Variants in PRKN observed in about 807,000 individuals in gnomAD.
PRKN encodes the protein parkin RBR E3 ubiquitin protein ligase, also known as E3 ubiquitin-protein ligase parkin.
In PRKN, 56 loss-of-function variants were observed where a neutral mutation model predicts 59.5. The ratio of observed to expected loss-of-function variants is 0.94; its 90% confidence interval spans 0.76 to 1.18. PRKN has a LOEUF of 1.18. PRKN is among the 50% of genes most tolerant of loss of function. The pLI is 0.00. For synonymous variants in PRKN, 250 were observed against 222.1 expected, an observed-to-expected ratio of 1.13 and a Z score of -1.12; for missense variants, 657 against 596.4, an observed-to-expected ratio of 1.10 and a Z score of -1.06.
chr6:162,636,025 A>C lies in PRKN; in HGVS notation c.7+91637T>G, dbSNP rs150899621. 6.7e-3 allele frequency among the ~76,000 whole-genome samples: 1,019 copies of C among 152,310 alleles called. 40 individuals are homozygous for C. Among genetic ancestry groups the C allele is most frequent in the Admixed American group, 0.061 (928 of 15,300 alleles). ...ATCCTTGGGTTAAGGAATTCTGTAA[A>C]AATTAAAATGGTTCTGTTCTCCTGA... On this transcript the variant is annotated intron_variant, in intron 1 of 11. Coordinates refer to ENST00000366898, the MANE Select transcript of PRKN (RefSeq NM_004562.3).
At chr6:162,623,131 T>C (rs1467665500) in intron 1 of PRKN, among the ~76,000 whole-genome samples, 5 of 152,260 alleles carry the variant, frequency 3.3e-5, no homozygotes, top group Non-Finnish European at 5.9e-5. Context: ...TTTTTTTGGA[T>C]CTTGTTCGTT....
chr6:161,724,997 G>A (rs1787380864), intron 7 of PRKN, among the ~76,000 whole-genome samples: 1 of 152,170 alleles, frequency 6.6e-6, no homozygotes, highest in East Asian at 1.9e-4. Flanking sequence ...TCGCCCCACT[G>A]TCTTGCTCTT....
rs1783959449 is a variant in PRKN at position 162,039,069 on chromosome 6, T to C, written c.618+15022A>G. 4.0e-5 allele frequency among the ~76,000 whole-genome samples: 6 copies of C among 151,230 alleles called. No homozygotes were observed. In the South Asian group the frequency reaches 1.2e-3, roughly 31 times the overall value. On this transcript the variant is annotated intron_variant, in intron 5 of 11. Coordinates refer to ENST00000366898, the MANE Select transcript of PRKN (RefSeq NM_004562.3). The stretch of plus-strand genomic sequence containing the variant: ...GACTCTGGAGGCTGAGGCAGGAGAA[T>C]GGCGTGAACCCAGGAGGCGCAGCTT...
chr6:161,546,976 C>A lies in PRKN; in HGVS notation c.1083+1878G>T, dbSNP rs976971086. Among the ~76,000 whole-genome samples the A allele has an allele frequency of 6.6e-6, 1 of 152,076 alleles. No individual in the cohort carries two copies. Among genetic ancestry groups the A allele is most frequent in the Non-Finnish European group, 1.5e-5 (1 of 68,024 alleles). ...TACCTTGGAAGTAGATCTTCCAGCC[C>A]CAGTTAAGCCTCCAGATAACTGTGA... On this transcript the variant is annotated intron_variant, in intron 9 of 11. Coordinates refer to ENST00000366898, the MANE Select transcript of PRKN (RefSeq NM_004562.3). The surrounding 1 kb of genome is among the most constrained non-coding windows in gnomAD (Gnocchi z 4.4).
chr6:162,538,722 G>C (rs2128199106), intron 1 of PRKN, among the ~76,000 whole-genome samples: 1 of 152,298 alleles, frequency 6.6e-6, no homozygotes. Context: ...CTCTTGTAAA[G>C]AGGTGAGAAA....
intron 7 of PRKN, among the ~76,000 whole-genome samples, chr6:161,585,491 G>C (rs1233374844): frequency 2.6e-5 from 4 of 152,270 alleles, no homozygotes; most frequent in East Asian, 3.9e-4. Context: ...TAAAACCCAA[G>C]ACTATTCTAA....
chr6:162,353,259 G>C (rs1246951644), intron 2 of PRKN, among the ~76,000 whole-genome samples: 1 of 151,972 alleles, frequency 6.6e-6, no homozygotes, highest in African/African-American at 2.4e-5. Context: ...AAGCTACCTA[G>C]GGTAAGAGTG....
At chr6:161,827,578 C>T (rs1201012155) in intron 6 of PRKN, among the ~76,000 whole-genome samples, 2 of 141,298 alleles carry the variant, frequency 1.4e-5, no homozygotes, top group Non-Finnish European at 3.0e-5. Flanking sequence ...GGCGTGATCT[C>T]GGCTCCCTGA....
chr6:161,531,207 C>T (rs577653178), intron 9 of PRKN, among the ~76,000 whole-genome samples: 103 of 151,838 alleles, frequency 6.8e-4, no homozygotes, highest in Non-Finnish European at 1.2e-3. Context: ...TGGTGAAACC[C>T]CGTCTCTACT....
chr6:162,327,343 TTTTA>T (rs1199043594), intron 2 of PRKN, among the ~76,000 whole-genome samples: 1 of 152,218 alleles, frequency 6.6e-6, no homozygotes, highest in Non-Finnish European at 1.5e-5. Flanking sequence ...TTTTGTTGTG[TTTTA>T]TTTTTTATTT....
rs544829058 is a variant in PRKN, at chr6:161,794,161, G to T, written c.735-8253C>A. Among the ~76,000 whole-genome samples the T allele has an allele frequency of 1.8e-3, 273 of 152,216 alleles. 2 individuals are homozygous for T. The highest frequency in any genetic ancestry group is 6.4e-3 in the African/African-American group (266 of 41,524). ...CAAATTAATTATGTTCCCATTGATAGGTTAACTCATTTTATTTACTGTCAT... is the reference window on the plus strand; with the variant it reads ...CAAATTAATTATGTTCCCATTGATATGTTAACTCATTTTATTTACTGTCAT... On this transcript the variant is annotated intron_variant, in intron 6 of 11. Coordinates refer to ENST00000366898, the MANE Select transcript of PRKN (RefSeq NM_004562.3).
intron 5 of PRKN, among the ~76,000 whole-genome samples, chr6:162,016,722 G>C (rs561961754): frequency 6.6e-6 from 1 of 152,040 alleles, no homozygotes; most frequent in Non-Finnish European, 1.5e-5. Flanking sequence ...GGTTGTCTTC[G>C]GTCTCAAGCC....
intron 5 of PRKN, among the ~76,000 whole-genome samples, chr6:162,041,765 G>A (rs1017373312): frequency 6.6e-6 from 1 of 152,130 alleles, no homozygotes; most frequent in African/African-American, 2.4e-5. Context: ...ATGGATTATA[G>A]CCCCTAAATT....
At chr6:161,636,908 G>A (rs1783544421) in intron 7 of PRKN, among the ~76,000 whole-genome samples, 1 of 152,116 alleles carries the variant, frequency 6.6e-6, no homozygotes, top group South Asian at 2.1e-4. Context: ...AGAACTGCCT[G>A]AGCGCTCAGG....
intron 2 of PRKN, among the ~76,000 whole-genome samples, chr6:162,299,718 T>C (rs1781856498): frequency 6.6e-6 from 1 of 152,002 alleles, no homozygotes; most frequent in African/African-American, 2.4e-5. Flanking sequence ...GGTCTGTGTT[T>C]TCATGGCCAT....
At chr6:162,344,996 T>C (rs1784337692) in intron 2 of PRKN, among the ~76,000 whole-genome samples, 1 of 152,152 alleles carries the variant, frequency 6.6e-6, no homozygotes, top group African/African-American at 2.4e-5. Context: ...AGGTAAAGAA[T>C]TTTCCTAGGA....
intron 2 of PRKN, among the ~76,000 whole-genome samples, chr6:162,410,507 G>A (rs1788303931): frequency 6.6e-6 from 1 of 152,216 alleles, no homozygotes; most frequent in South Asian, 2.1e-4. Flanking sequence ...TCGACTGAAA[G>A]CAAGGGCTGT....
rs1005583030 is a variant in PRKN at position 161,530,961 on chromosome 6, A to G, written c.1083+17893T>C. 6.6e-6 allele frequency among the ~76,000 whole-genome samples: 1 copy of G among 152,232 alleles called. No homozygotes were observed. Among genetic ancestry groups the G allele is most frequent in the Non-Finnish European group, 1.5e-5 (1 of 68,044 alleles). On this transcript the variant is annotated intron_variant, in intron 9 of 11. Transcript: ENST00000366898. The surrounding 1 kb of genome is among the most constrained non-coding windows in gnomAD (Gnocchi z 5.0). ...TCCTAACACATCAAATTTCAGTTTCATATTTTCAACTACCTACGGGATATT... is the reference window on the plus strand; with the variant it reads ...TCCTAACACATCAAATTTCAGTTTCGTATTTTCAACTACCTACGGGATATT...
At chr6:162,480,634 G>C (rs1792261999) in intron 1 of PRKN, among the ~76,000 whole-genome samples, 1 of 151,908 alleles carries the variant, frequency 6.6e-6, no homozygotes, top group African/African-American at 2.4e-5. Flanking sequence ...GTGTTAGCGA[G>C]GGGAAAAACA....
Sources: gnomAD v4.1 joint callset for allele counts (sites outside exome capture counted in the v4.1 genomes callset) on GRCh38, gnomAD v4.1.1 for gene constraint, Gnocchi (gnomAD v3.1) non-coding constraint, MANE v1.5 for transcripts, NCBI Gene and HGNC (gene_info 2026-07-23, HGNC 2026-07-21) for gene names.